The following SAP30BP variants were observed in gnomAD, a reference collection of about 807,000 sequenced individuals.
SAP30BP encodes SAP30-binding protein.
SAP30BP carries 31 observed loss-of-function variants against 46.3 expected under a neutral mutation model. The ratio of observed to expected loss-of-function variants is 0.67; its 90% CI spans 0.50 to 0.90. The LOEUF (loss-of-function observed/expected upper bound fraction) is 0.90. Ranked by LOEUF, SAP30BP falls within the 40% of genes least tolerant of loss-of-function variation. The probability of loss-of-function intolerance (pLI) is 0.00; values close to 1 mark genes in which losing one functional copy is unlikely to be tolerated. For missense variants in SAP30BP, 312 were observed against 391.0 expected, an observed-to-expected ratio of 0.80 and a Z score of 1.70; for synonymous variants, 169 against 144.2, an observed-to-expected ratio of 1.17 and a Z score of -1.23.
chr17:75,702,031 G>T (rs1033452220), intron 5 of SAP30BP, among the ~76,000 whole-genome samples: 1 of 152,098 alleles, frequency 6.6e-6, no homozygotes, highest in African/African-American at 2.4e-5. Flanking sequence ...TTAATTTTTT[G>T]TTTTGTTTTG....
chr17:75,704,050 AG>A (rs78580953), intron 8 of SAP30BP, among the ~76,000 whole-genome samples, 191 bp downstream of exon 8: 66,367 of 152,054 alleles, frequency 0.44, 16,670 homozygotes, highest in Non-Finnish European at 0.57. Flanking sequence ...ACAGCAAAGA[AG>A]ATGGAACGTC....
chr17:75,686,433 G>A (rs547261996), intron 3 of SAP30BP, among the ~76,000 whole-genome samples: 6 of 152,084 alleles, frequency 3.9e-5, no homozygotes, highest in South Asian at 4.2e-4. Context: ...GGAGAATGGC[G>A]TGAACCCTGG....
chr17:75,706,195 C>G lies in SAP30BP; in HGVS notation c.745+103C>G, dbSNP rs994286418. On this transcript the variant is annotated intron_variant, in intron 10 of 10. Coordinates refer to ENST00000584667, the MANE Select transcript of SAP30BP (RefSeq NM_013260.8). The surrounding 1 kb of genome is among the most constrained non-coding windows in gnomAD (Gnocchi z 4.6). ...CACGTGGATCTGGGCCTGGGCTCAG[C>G]CTTGCTACTTTGAGAAGCACCTTTG... is the stretch of plus-strand genomic sequence containing the variant. 1.9e-6 allele frequency: 3 copies of G among 1,555,862 alleles called. No individual in the cohort carries two copies. The highest frequency in any genetic ancestry group is 2.6e-6 in the Non-Finnish European group (3 of 1,153,494).
Position 75,686,510 on chromosome 17 carries a change from C to T in SAP30BP, c.265-6930C>T, listed in dbSNP as rs185963901. 3.1e-4 allele frequency among the ~76,000 whole-genome samples: 47 copies of T among 150,824 alleles called. No individual in the cohort carries two copies. The East Asian group carries it at 8.4e-3, about 27-fold the overall frequency. On this transcript the variant is annotated intron_variant, in intron 3 of 10. Transcript: ENST00000584667. ...CAGCCTGGGCAACAGAGCGGGACTC[C>T]ATCTCAGGAAAAAGAAAAAAAAAAA...
chr17:75,703,666 G>T (rs1016878495), intron 7 of SAP30BP, 142 bp from the exon 8 acceptor site: 2 of 777,166 alleles, frequency 2.6e-6, no homozygotes, highest in African/African-American at 3.4e-5. Context: ...CTTGCCAGCC[G>T]CCCCTTGGCT....
intron 3 of SAP30BP, chr17:75,690,679 C>T (rs529051955): frequency 4.4e-6 from 2 of 456,604 alleles, no homozygotes; most frequent in South Asian, 3.1e-5. Context: ...AGGAGAAGCT[C>T]GGCACAGTGA....
intron 3 of SAP30BP, among the ~76,000 whole-genome samples, chr17:75,678,664 G>A (rs147394032): frequency 2.6e-5 from 4 of 152,210 alleles, no homozygotes; most frequent in African/African-American, 4.8e-5. Flanking sequence ...GTTGTCGGCC[G>A]GTTTTGGAAG....
intron 4 of SAP30BP, 25 bp from the exon 5 acceptor site, chr17:75,699,758 G>A (rs879381733): frequency 5.1e-6 from 8 of 1,574,582 alleles, no homozygotes; most frequent in Admixed American, 1.7e-5. Context: ...CCCACCTACA[G>A]AATTTTTCCT....
At chr17:75,672,091 C>T (rs1015707918) in intron 3 of SAP30BP, 1 of 534,784 alleles carries the variant, frequency 1.9e-6, no homozygotes, top group Non-Finnish European at 3.4e-6. Flanking sequence ...TGCCATATCT[C>T]CTGACTAGAA....
In SAP30BP at chr17:75,706,828, C is replaced by T. The variant is rs538010655; in HGVS notation, c.*307C>T. ...CAGGCAAATGCTTCAGCTCACATGT[C>T]CCCCAAGACTCAATAGTCTTGGTTG... is the stretch of plus-strand genomic sequence containing the variant. On this transcript the variant is annotated 3_prime_UTR_variant, in exon 11 of 11. Coordinates refer to ENST00000584667, the MANE Select transcript of SAP30BP (RefSeq NM_013260.8). The surrounding 1 kb of genome is among the most constrained non-coding windows in gnomAD (Gnocchi z 4.6). 70 of 405,574 alleles carry T rather than the reference C, an allele frequency of 1.7e-4. No individual in the cohort carries two copies. Among genetic ancestry groups the T allele is most frequent in the Non-Finnish European group, 2.8e-4 (62 of 221,536 alleles). 25.1% of individuals were successfully genotyped at this position (405,574 alleles called of 1,614,324 possible).
intron 9 of SAP30BP, chr17:75,705,195 C>T (rs1599177613): frequency 7.8e-6 from 2 of 254,926 alleles, no homozygotes; most frequent in South Asian, 9.2e-5. Flanking sequence ...CAGAGCTGCC[C>T]TCAGTGGCTC....
chr17:75,692,439 T>C, intron 3 of SAP30BP: 1 of 985,458 alleles, frequency 1.0e-6, no homozygotes, highest in Non-Finnish European at 1.2e-6. Context: ...CTCTGCTGTT[T>C]TGATGATGAG....
At chr17:75,685,919 A>G (rs1034869766) in intron 3 of SAP30BP, among the ~76,000 whole-genome samples, 24 of 145,584 alleles carry the variant, frequency 1.6e-4, no homozygotes, top group Non-Finnish European at 2.5e-4. Flanking sequence ...CTTTCAAGAA[A>G]CCAAAAATCT....
At chr17:75,671,569 G>C (rs919805752) in intron 2 of SAP30BP, among the ~76,000 whole-genome samples, 5 of 152,106 alleles carry the variant, frequency 3.3e-5, no homozygotes, top group Non-Finnish European at 7.4e-5. Context: ...GATGTGGACT[G>C]TCTCACCACT....
chr17:75,701,182 T>A lies in SAP30BP; in HGVS notation c.397-1298T>A, dbSNP rs1244704132. ...TCCTGACGTGTCCTAAATGTTGTCA[T>A]GTGGGCCCTCCAGGCCTGCCCACCT... On this transcript the variant is annotated intron_variant, in intron 5 of 10. Transcript: ENST00000584667. Among the ~76,000 whole-genome samples, 4 of 152,212 alleles carry A rather than the reference T, an allele frequency of 2.6e-5. 1 individual carries two copies. The highest frequency in any genetic ancestry group is 2.6e-4 in the Admixed American group (4 of 15,290).
At chr17:75,701,592 G>A (rs544351587) in intron 5 of SAP30BP, among the ~76,000 whole-genome samples, 1 of 152,270 alleles carries the variant, frequency 6.6e-6, no homozygotes. Flanking sequence ...TGATGCCCTC[G>A]ATAAACCAGC....
At chr17:75,690,733 G>A (rs2060229356) in intron 3 of SAP30BP, 1 of 456,576 alleles carries the variant, frequency 2.2e-6, no homozygotes, top group Non-Finnish European at 4.4e-6. Flanking sequence ...CAGCTTGTTG[G>A]ACTCAGAGGG....
At position 75,706,616 on chromosome 17, in the gene SAP30BP, T is replaced by C. The variant is rs967430023; in HGVS notation, c.*95T>C. The C allele has an allele frequency of 4.1e-5, 48 of 1,184,140 alleles. No individual in the cohort carries two copies. The highest frequency in any genetic ancestry group is 5.7e-5 in the Non-Finnish European group (47 of 824,542). 73.4% of individuals were successfully genotyped at this position (1,184,140 alleles called of 1,614,324 possible). A position where few individuals can be genotyped will look rare whatever the true frequency, so the allele number is the denominator to read the frequency against. ...CTTTGTATATTTCAGGACTGGGACC[T>C]ACTCCCCAGATGCCACCTGAGAGGA... On this transcript the variant is annotated 3_prime_UTR_variant, in exon 11 of 11. Transcript: ENST00000584667. This position sits in a 1 kb window ranked among gnomAD's most constrained non-coding sequence, Gnocchi z 4.6.
At chr17:75,702,867 C>T (rs1486924651) in intron 6 of SAP30BP, 1 of 316,730 alleles carries the variant, frequency 3.2e-6, no homozygotes, top group Non-Finnish European at 5.8e-6. Context: ...CTCAAGTCCC[C>T]TGTCCTCATG....
Sources: gnomAD v4.1 joint callset for allele counts (sites outside exome capture counted in the v4.1 genomes callset) on GRCh38, gnomAD v4.1.1 for gene constraint, Gnocchi (gnomAD v3.1) non-coding constraint, MANE v1.5 for transcripts, NCBI Gene and HGNC (gene_info 2026-07-23, HGNC 2026-07-21) for gene names.